Variants in ADAMTSL3 observed in about 807,000 individuals in gnomAD.
The protein encoded by ADAMTSL3 is ADAMTS like 3.
Under a neutral mutation model 201.7 loss-of-function variants are expected in ADAMTSL3, and 128 were observed. The observed-to-expected ratio is 0.63, with a 90% confidence interval of 0.55 to 0.73. ADAMTSL3 has a LOEUF of 0.73. Among genes scored for constraint, ADAMTSL3 ranks in the 30% least tolerant of loss-of-function variants. ADAMTSL3 has a pLI of 0.00. For missense variants in ADAMTSL3, 1,990 were observed against 2,119.6 expected (o/e 0.94, Z 1.20); for synonymous variants, 738 against 748.4 (o/e 0.99, Z 0.23).
intron 3 of ADAMTSL3, among the ~76,000 whole-genome samples, chr15:83,753,576 T>C (rs2141678760): frequency 6.6e-6 from 1 of 152,336 alleles, no homozygotes; most frequent in Middle Eastern, 3.4e-3. Flanking sequence ...GTGAAATGGC[T>C]AACCATGGAT....
intron 3 of ADAMTSL3, among the ~76,000 whole-genome samples, chr15:83,713,684 G>A (rs1256226591): frequency 1.3e-5 from 2 of 152,152 alleles, no homozygotes; most frequent in African/African-American, 2.4e-5. Context: ...AAAAGACTTC[G>A]CCGATTCTCT....
At chr15:83,686,014 C>T (rs1163619822) in intron 2 of ADAMTSL3, among the ~76,000 whole-genome samples, 1 of 39,562 alleles carries the variant, frequency 2.5e-5, no homozygotes, top group Non-Finnish European at 4.0e-5. Flanking sequence ...CCTCCCTCCT[C>T]CTTCTCCTGG....
chr15:83,747,686 A>G (rs2062568653), intron 3 of ADAMTSL3, among the ~76,000 whole-genome samples: 1 of 152,130 alleles, frequency 6.6e-6, no homozygotes, highest in Admixed American at 6.5e-5. Context: ...TGTTCATCAT[A>G]GGTCCTTGTT....
Position 83,760,215 on chromosome 15 carries a change from T to G in ADAMTSL3, c.190-13308T>G, listed in dbSNP as rs149104781. Among the ~76,000 whole-genome samples the G allele has an allele frequency of 1.5e-3, 224 of 152,304 alleles. 1 individual carries two copies. The highest frequency in any genetic ancestry group is 5.1e-3 in the African/African-American group (214 of 41,574). On this transcript the variant is annotated intron_variant, in intron 3 of 29. Transcript: ENST00000286744. ...CCCTTCCAAGCATAGCTTTAGCTGC[T>G]TTACTCACGTTTTGGTATGTAATAT...
At chr15:83,765,831 G>A (rs905313061) in intron 3 of ADAMTSL3, among the ~76,000 whole-genome samples, 2 of 152,044 alleles carry the variant, frequency 1.3e-5, no homozygotes, top group Non-Finnish European at 2.9e-5. Context: ...CTTTGGAAGT[G>A]TTTTCATAGC....
At chr15:83,749,708 A>G (rs991733932) in intron 3 of ADAMTSL3, among the ~76,000 whole-genome samples, 1 of 152,216 alleles carries the variant, frequency 6.6e-6, no homozygotes, top group Non-Finnish European at 1.5e-5. Context: ...GCCTAGATGT[A>G]GAGGATGAAT....
chr15:83,670,258 C>CAAAAAAAAAAAAAAAAAAA (rs60947988), intron 2 of ADAMTSL3, among the ~76,000 whole-genome samples: 1 of 64,522 alleles, frequency 1.5e-5, no homozygotes, highest in Non-Finnish European at 2.7e-5. Context: ...ACTCTGTCTC[C>CAAAAAAAAAAAAAAAAAAA]AAAAAAAAAA....
chr15:83,955,509 C>T (rs34411238), intron 19 of ADAMTSL3, among the ~76,000 whole-genome samples: 20,946 of 152,010 alleles, frequency 0.14, 1,873 homozygotes, highest in Middle Eastern at 0.34. Flanking sequence ...ATACTCTATC[C>T]ACTGTGCTGA....
chr15:83,851,990 C>T (rs917485036), intron 7 of ADAMTSL3, among the ~76,000 whole-genome samples: 2 of 152,150 alleles, frequency 1.3e-5, no homozygotes, highest in African/African-American at 4.8e-5. Context: ...TGTATGTGTG[C>T]ACCTTTCCAT....
chr15:83,960,394 T>C (rs1163862735), intron 19 of ADAMTSL3, among the ~76,000 whole-genome samples: 3 of 152,142 alleles, frequency 2.0e-5, no homozygotes, highest in Non-Finnish European at 4.4e-5. Flanking sequence ...CTGACAAATA[T>C]TTCCTCAGGC....
At chr15:84,008,520 C>T (rs1351921034) in intron 23 of ADAMTSL3, among the ~76,000 whole-genome samples, 1 of 152,154 alleles carries the variant, frequency 6.6e-6, no homozygotes, top group Non-Finnish European at 1.5e-5. Context: ...AGTATCTGTT[C>T]CTGTGTAGCC....
intron 2 of ADAMTSL3, among the ~76,000 whole-genome samples, chr15:83,702,950 G>A (rs773990391): frequency 3.9e-5 from 6 of 152,120 alleles, no homozygotes; most frequent in Non-Finnish European, 7.3e-5. Flanking sequence ...ACGCCTGCCT[G>A]TGAAAACAGC....
chr15:83,804,674 G>A lies in ADAMTSL3; in HGVS notation c.342G>A (p.Arg114=). The A allele has an allele frequency of 1.9e-6, 3 of 1,581,168 alleles. No individual in the cohort carries two copies. Among genetic ancestry groups the A allele is most frequent in the Non-Finnish European group, 2.6e-6 (3 of 1,165,654 alleles). The change falls in exon 5 of 30, where the codon CGG becomes CGA. Residue 114 remains arginine (R), a synonymous_variant. Transcript: ENST00000286744. ...GGAATTGTGAAGGGCAGAACATTCGGTACAAGACATGCAGCAATCATGTAA... is the reference window on the plus strand; with the variant it reads ...GGAATTGTGAAGGGCAGAACATTCGATACAAGACATGCAGCAATCATGTAA... ...TGRNCEGQNI[R]YKTCSNHDCP...
At chr15:83,815,256 A>C (rs185314491) in intron 5 of ADAMTSL3, among the ~76,000 whole-genome samples, 91 of 152,350 alleles carry the variant, frequency 6.0e-4, no homozygotes, top group Middle Eastern at 6.8e-3. Flanking sequence ...TGTACAACTT[A>C]ACTCTTGGAT....
chr15:83,870,583 A>G (rs2065062042), intron 8 of ADAMTSL3, among the ~76,000 whole-genome samples: 1 of 152,212 alleles, frequency 6.6e-6, no homozygotes, highest in Non-Finnish European at 1.5e-5. Context: ...ATATTTGAGT[A>G]GAACTATTTG....
intron 2 of ADAMTSL3, among the ~76,000 whole-genome samples, chr15:83,658,018 C>T (rs2061114802): frequency 6.6e-6 from 1 of 152,198 alleles, no homozygotes; most frequent in Non-Finnish European, 1.5e-5. Context: ...TGTGCTGCCA[C>T]CAAGGTGGTT....
intron 2 of ADAMTSL3, among the ~76,000 whole-genome samples, chr15:83,663,181 C>T (rs1393721640): frequency 1.3e-5 from 2 of 152,202 alleles, no homozygotes; most frequent in East Asian, 3.8e-4. Flanking sequence ...CTCTGTCCTG[C>T]CAACTCCCTT....
At chr15:83,758,305 G>A (rs535440473) in intron 3 of ADAMTSL3, among the ~76,000 whole-genome samples, 18 of 152,346 alleles carry the variant, frequency 1.2e-4, no homozygotes, top group African/African-American at 3.1e-4. Flanking sequence ...AGAGCAAAGG[G>A]ACATCTTACA....
At chr15:83,937,136 T>G (rs2066475138) in intron 17 of ADAMTSL3, among the ~76,000 whole-genome samples, 1 of 150,946 alleles carries the variant, frequency 6.6e-6, no homozygotes, top group African/African-American at 2.5e-5. Flanking sequence ...AATTACCGTT[T>G]GACCCAGCAA....
Sources: allele counts gnomAD v4.1 joint callset (sites outside exome capture counted in the v4.1 genomes callset), GRCh38; gene constraint gnomAD v4.1.1; transcripts MANE v1.5; gene names NCBI Gene and HGNC (gene_info 2026-07-23, HGNC 2026-07-21).